The following RFWD3 variants were observed in gnomAD, a reference collection of about 807,000 sequenced individuals.
RFWD3 encodes the protein ring finger and WD repeat domain 3, also known as E3 ubiquitin-protein ligase RFWD3.
A neutral mutation model predicts 87.7 loss-of-function variants in RFWD3; 65 were observed. The observed-to-expected ratio is 0.74, with a 90% CI of 0.61 to 0.91. The LOEUF is 0.91. RFWD3 is among the 40% of genes least tolerant of loss of function. RFWD3 has a pLI of 0.00. For missense variants in RFWD3, 1,078 were observed against 938.5 expected (o/e 1.15, Z -1.94); for synonymous variants, 433 against 352.8 (o/e 1.23, Z -2.55).
Position 74,660,874 on chromosome 16 carries a change from TCA to T in RFWD3, c.518+56_518+57del, listed in dbSNP as rs1961371298. ...CTGTCAGTCCTTGAATGGCAGAGCC[TCA>T]GTTTCATAATTTCTAGTACAGCAAT... On this transcript the variant is annotated intron_variant, in intron 2 of 12. Transcript: ENST00000361070. 5.2e-6 allele frequency: 8 copies of T among 1,533,930 alleles called. No individual in the cohort carries two copies. In the East Asian group the frequency reaches 6.8e-5, roughly 13 times the overall value.
chr16:74,651,497 T>C (rs1252526206), intron 3 of RFWD3, among the ~76,000 whole-genome samples: 6 of 152,128 alleles, frequency 3.9e-5, no homozygotes, highest in Non-Finnish European at 7.4e-5. Flanking sequence ...TGTGTGCCTG[T>C]AGTCCCAGTT....
intron 11 of RFWD3, among the ~76,000 whole-genome samples, chr16:74,627,374 T>C (rs1958968985): frequency 6.6e-6 from 1 of 152,146 alleles, no homozygotes; most frequent in African/African-American, 2.4e-5. Context: ...GAGCAGAGGT[T>C]TGAAATATAG....
intron 6 of RFWD3, among the ~76,000 whole-genome samples, chr16:74,640,728 A>C (rs1567574637): frequency 6.6e-6 from 1 of 151,862 alleles, no homozygotes; most frequent in Non-Finnish European, 1.5e-5. Context: ...TCACGAGGTC[A>C]GGAGTTCAAG....
intron 8 of RFWD3, among the ~76,000 whole-genome samples, chr16:74,633,687 C>A (rs1016227051): frequency 1.3e-5 from 2 of 151,988 alleles, no homozygotes; most frequent in Admixed American, 1.3e-4. Context: ...TGGTAGCTCG[C>A]GCCTGTAATC....
At chr16:74,630,748 C>T (rs1428825675) in intron 10 of RFWD3, 33 bp downstream of exon 10, 2 of 1,545,664 alleles carry the variant, frequency 1.3e-6, no homozygotes, top group Middle Eastern at 1.8e-4. Context: ...GAGAAAGCTG[C>T]TACCACCAGG....
chr16:74,635,149 G>A (rs1184378856), intron 8 of RFWD3, among the ~76,000 whole-genome samples: 2 of 151,938 alleles, frequency 1.3e-5, no homozygotes, highest in East Asian at 1.9e-4. Context: ...GTGTGGTGGC[G>A]GGCGCCTGTA....
intron 2 of RFWD3, among the ~76,000 whole-genome samples, chr16:74,654,541 C>G (rs1378122309): frequency 6.6e-6 from 1 of 152,070 alleles, no homozygotes; most frequent in African/African-American, 2.4e-5. Flanking sequence ...TGAGACAAAA[C>G]AATACTGAAA....
Position 74,621,881 on chromosome 16 carries a change from G to C in RFWD3, c.*2047C>G, listed in dbSNP as rs765781494. On this transcript the variant is annotated 3_prime_UTR_variant, in exon 13 of 13. Transcript: ENST00000361070. The stretch of plus-strand genomic sequence containing the variant: ...CCAGTTAATTTTTGTATTTTTAGTA[G>C]AGATGGGGTTTCACCATGTTGGTCA... 1 of 152,146 alleles carries C rather than the reference G, an allele frequency of 6.6e-6. No homozygotes were observed. The highest frequency in any genetic ancestry group is 1.5e-5 in the Non-Finnish European group (1 of 68,032). 9.4% of individuals were successfully genotyped at this position (152,146 alleles called of 1,614,324 possible).
rs1567576985 is a variant in RFWD3 at position 74,644,354 on chromosome 16, C to CT, written c.1079+7_1079+8insA. The CT allele has an allele frequency of 1.2e-6, 2 of 1,613,778 alleles. No individual in the cohort carries two copies. Among genetic ancestry groups the CT allele is most frequent in the Non-Finnish European group, 1.7e-6 (2 of 1,179,854 alleles). On this transcript the variant is annotated splice_region_variant and intron_variant, in intron 6 of 12. Transcript: ENST00000361070. ...AACATTCCAGCCAGGCATACTCTTACCACCTACCTTTTCATGCGCTCCTGT... is the reference window on the plus strand; with the variant it reads ...AACATTCCAGCCAGGCATACTCTTACTCACCTACCTTTTCATGCGCTCCTGT...
At chr16:74,626,317 T>A in intron 12 of RFWD3, 26 bp downstream of exon 12, 1 of 1,600,500 alleles carries the variant, frequency 6.2e-7, no homozygotes, top group South Asian at 1.1e-5. Context: ...ACTTTTTATA[T>A]GAAAGTAAAA....
At chr16:74,646,273 G>A (rs1960132580) in intron 4 of RFWD3, among the ~76,000 whole-genome samples, 1 of 152,166 alleles carries the variant, frequency 6.6e-6, no homozygotes, top group African/African-American at 2.4e-5. Flanking sequence ...GTAGTCAGGA[G>A]GCTGAGGTAG....
chr16:74,630,308 C>A (rs1302420800), intron 10 of RFWD3, among the ~76,000 whole-genome samples: 1 of 152,208 alleles, frequency 6.6e-6, no homozygotes, highest in African/African-American at 2.4e-5. Context: ...CCACGTTGGT[C>A]AGGCTGGTCT....
chr16:74,652,933 G>C (rs1960675084), intron 2 of RFWD3, among the ~76,000 whole-genome samples: 1 of 152,068 alleles, frequency 6.6e-6, no homozygotes, highest in African/African-American at 2.4e-5. Flanking sequence ...CACCCACCTT[G>C]GCCTCCCAAA....
rs1284327758 is a variant in RFWD3, at chr16:74,626,406, T to C, written c.2118A>G (p.Gln706=). The change falls in exon 12 of 13, where the codon CAA becomes CAG. Residue 706 remains glutamine, a synonymous_variant. Coordinates refer to ENST00000361070, the MANE Select transcript of RFWD3 (RefSeq NM_018124.4). Reference sequence around the variant, plus strand: ...GGATGTTGCCATCATTCTCTGGGCTTTGGAAAATGGCATTTTTGGTCAATA... The same window carrying C: ...GGATGTTGCCATCATTCTCTGGGCTCTGGAAAATGGCATTTTTGGTCAATA... The part of the protein sequence containing the change: ...CKLLTKNAIF[Q]SPENDGNILV... The C allele has an allele frequency of 5.6e-6, 9 of 1,614,098 alleles. No homozygotes were observed. The highest frequency in any genetic ancestry group is 1.3e-5 in the African/African-American group (1 of 74,938).
intron 2 of RFWD3, among the ~76,000 whole-genome samples, chr16:74,653,887 A>G (rs978553550): frequency 6.6e-6 from 1 of 152,232 alleles, no homozygotes. Context: ...AACTCAATAG[A>G]CAGAAGATTT....
At chr16:74,664,937 A>C (rs554353160) in intron 1 of RFWD3, among the ~76,000 whole-genome samples, 5 of 152,178 alleles carry the variant, frequency 3.3e-5, no homozygotes, top group African/African-American at 1.2e-4. Flanking sequence ...ACTGTAGGCC[A>C]GTCGGAGGTG....
intron 2 of RFWD3, among the ~76,000 whole-genome samples, chr16:74,654,655 T>C (rs1960828377): frequency 6.6e-6 from 1 of 152,144 alleles, no homozygotes; most frequent in Admixed American, 6.5e-5. Flanking sequence ...TTAAGCTTAG[T>C]GAGGAAGGCA....
intron 2 of RFWD3, among the ~76,000 whole-genome samples, chr16:74,654,729 A>G (rs1960832754): frequency 6.6e-6 from 1 of 152,212 alleles, no homozygotes; most frequent in African/African-American, 2.4e-5. Context: ...TGGTGAATGC[A>G]AAGGAAAAGT....
At position 74,662,904 on chromosome 16, in the gene RFWD3, C is replaced by T. The variant is rs563294706; in HGVS notation, c.-2-1453G>A. 2.5e-4 allele frequency among the ~76,000 whole-genome samples: 36 copies of T among 146,436 alleles called. 1 individual carries two copies. In the South Asian group the frequency reaches 7.4e-3, roughly 30 times the overall value. On this transcript the variant is annotated intron_variant, in intron 1 of 12. Coordinates refer to ENST00000361070, the MANE Select transcript of RFWD3 (RefSeq NM_018124.4). ...TTTAAGAATCTTCAGAATGGTCATG[C>T]TTCTTTTTTTTTTTTTTTGAGATGG...
Sources: allele counts gnomAD v4.1 joint callset (sites outside exome capture counted in the v4.1 genomes callset), GRCh38; gene constraint gnomAD v4.1.1; transcripts MANE v1.5; gene names NCBI Gene and HGNC (gene_info 2026-07-23, HGNC 2026-07-21).